The following PALM2AKAP2 variants were observed in gnomAD, a reference collection of about 807,000 sequenced individuals.
PALM2AKAP2 encodes the protein PALM2-AKAP2 fusion protein.
A neutral mutation model predicts 71.5 loss-of-function variants in PALM2AKAP2; 37 were observed. The ratio of observed to expected loss-of-function variants is 0.52; its 90% CI spans 0.40 to 0.68. The LOEUF (loss-of-function observed/expected upper bound fraction) is 0.68. PALM2AKAP2 is among the 30% of genes least tolerant of loss of function. The pLI, the probability that PALM2AKAP2 is intolerant of heterozygous loss-of-function variation, is 0.00. For missense variants in PALM2AKAP2, 1,224 were observed against 1,191.8 expected, an observed-to-expected ratio of 1.03 and a Z score of -0.40; for synonymous variants, 468 against 478.8, an observed-to-expected ratio of 0.98 and a Z score of 0.29.
intron 2 of PALM2AKAP2, among the ~76,000 whole-genome samples, chr9:110,142,637 G>A (rs1836062363): frequency 6.6e-6 from 1 of 152,196 alleles, no homozygotes; most frequent in Admixed American, 6.5e-5. Flanking sequence ...GGAAATTACT[G>A]TCTAAGCTGA....
chr9:109,737,299 C>T (rs940289591), intron 1 of PALM2AKAP2, among the ~76,000 whole-genome samples: 6 of 152,322 alleles, frequency 3.9e-5, no homozygotes, highest in African/African-American at 7.2e-5. Flanking sequence ...GTGGTCATCA[C>T]GATGGGAAAG....
At chr9:110,002,371 A>G (rs1832697498) in intron 6 of PALM2AKAP2, among the ~76,000 whole-genome samples, 1 of 151,810 alleles carries the variant, frequency 6.6e-6, no homozygotes, top group African/African-American at 2.4e-5. Context: ...AGCCCACTTG[A>G]TCATGGTGGA....
At chr9:110,137,674 G>C in exon 2 of PALM2AKAP2, 2 of 1,613,908 alleles carry the variant, frequency 1.2e-6, no homozygotes, top group Non-Finnish European at 1.7e-6. Context: ...ACGAATTGTC[G>C]GTGAGGTCTC....
At chr9:109,677,289 G>A (rs1432370140) in intron 1 of PALM2AKAP2, among the ~76,000 whole-genome samples, 1 of 152,136 alleles carries the variant, frequency 6.6e-6, no homozygotes, top group Admixed American at 6.5e-5. Flanking sequence ...AGAGATTTTT[G>A]GATCCTTGAG....
intron 1 of PALM2AKAP2, among the ~76,000 whole-genome samples, chr9:110,053,678 A>G (rs1161077473): frequency 6.6e-6 from 1 of 152,162 alleles, no homozygotes; most frequent in Non-Finnish European, 1.5e-5. Context: ...TGGAGGCAGA[A>G]TGCTGCTGCT....
At chr9:109,881,678 C>T (rs1356555164) in intron 3 of PALM2AKAP2, among the ~76,000 whole-genome samples, 2 of 152,008 alleles carry the variant, frequency 1.3e-5, no homozygotes, top group Admixed American at 6.6e-5. Flanking sequence ...CACACAAGAG[C>T]AATAATGTAG....
chr9:109,851,483 A>G (rs1313814353), intron 1 of PALM2AKAP2, among the ~76,000 whole-genome samples: 1 of 152,208 alleles, frequency 6.6e-6, no homozygotes, highest in Non-Finnish European at 1.5e-5. Flanking sequence ...TAATAGCCAG[A>G]GGTCTTGAAT....
At chr9:110,088,262 A>G (rs1027657524) in intron 1 of PALM2AKAP2, among the ~76,000 whole-genome samples, 4 of 152,152 alleles carry the variant, frequency 2.6e-5, no homozygotes, top group African/African-American at 9.7e-5. Context: ...GTAGTGGCTC[A>G]TGATTAGTCT....
chr9:110,050,576 T>A (rs908615522), intron 1 of PALM2AKAP2, among the ~76,000 whole-genome samples: 3 of 152,186 alleles, frequency 2.0e-5, no homozygotes, highest in Non-Finnish European at 2.9e-5. Flanking sequence ...GCCGGTTGTC[T>A]CCTCCCCAGT....
At position 109,692,072 on chromosome 9, in the gene PALM2AKAP2, T is replaced by A. The variant is rs186211575; in HGVS notation, c.5+51206T>A. ...TTATCTCTAAGTATTTAAATTTTTT[T>A]AAATTTTTAAAAAATTTTTAAATTG... On this transcript the variant is annotated intron_variant, in intron 1 of 6. Coordinates refer to the PALM2AKAP2 transcript ENST00000374531. 2.4e-3 allele frequency among the ~76,000 whole-genome samples: 365 copies of A among 149,790 alleles called. 3 individuals are homozygous for A. The highest frequency in any genetic ancestry group is 3.6e-3 in the Non-Finnish European group (244 of 67,384).
At chr9:109,761,907 A>C (rs2118737137) in intron 1 of PALM2AKAP2, among the ~76,000 whole-genome samples, 1 of 152,298 alleles carries the variant, frequency 6.6e-6, no homozygotes, top group Admixed American at 6.5e-5. Context: ...GATAGAAGAC[A>C]TTTATGCTGT....
At chr9:110,018,002 A>T (rs1283733538) in intron 7 of PALM2AKAP2, among the ~76,000 whole-genome samples, 1 of 152,158 alleles carries the variant, frequency 6.6e-6, no homozygotes, top group East Asian at 1.9e-4. Context: ...CTGGGATTAC[A>T]GGCGTGAGTC....
intron 3 of PALM2AKAP2, among the ~76,000 whole-genome samples, chr9:109,914,356 G>A (rs1830638736): frequency 6.6e-6 from 1 of 152,240 alleles, no homozygotes; most frequent in South Asian, 2.1e-4. Flanking sequence ...TTTGGCCAGA[G>A]CATGTGGCTA....
intron 1 of PALM2AKAP2, among the ~76,000 whole-genome samples, chr9:109,824,922 T>C (rs1272854511): frequency 6.6e-6 from 1 of 152,248 alleles, no homozygotes; most frequent in East Asian, 1.9e-4. Flanking sequence ...GGTTTTGATA[T>C]TCCTCTAAGA....
intron 1 of PALM2AKAP2, among the ~76,000 whole-genome samples, chr9:109,739,398 T>TA (rs1397633271): frequency 1.3e-5 from 2 of 151,952 alleles, no homozygotes; most frequent in Admixed American, 1.3e-4. Context: ...TATGCCTATT[T>TA]AAAAAAAATA....
intron 1 of PALM2AKAP2, among the ~76,000 whole-genome samples, chr9:109,701,159 T>A (rs1828049027): frequency 6.6e-6 from 1 of 152,134 alleles, no homozygotes; most frequent in South Asian, 2.1e-4. Context: ...AAATAAATCC[T>A]TGGGCATGCC....
At chr9:109,734,765 C>T (rs1280867584) in intron 1 of PALM2AKAP2, among the ~76,000 whole-genome samples, 1 of 152,162 alleles carries the variant, frequency 6.6e-6, no homozygotes. Flanking sequence ...CCCACAATTT[C>T]CAATGTGTTA....
At chr9:109,849,143 A>G (rs1828940701) in intron 1 of PALM2AKAP2, among the ~76,000 whole-genome samples, 2 of 152,234 alleles carry the variant, frequency 1.3e-5, no homozygotes, top group South Asian at 4.2e-4. Flanking sequence ...GAGACTTCAC[A>G]AAGTATGTTA....
At chr9:110,135,162 A>ATATATATAT (rs1374083351) in intron 1 of PALM2AKAP2, among the ~76,000 whole-genome samples, 1 of 48,490 alleles carries the variant, frequency 2.1e-5, no homozygotes, top group African/African-American at 8.3e-5. Flanking sequence ...CAAAAAAAAA[A>ATATATATAT]AAATATATAA....
Sources: gnomAD v4.1 joint callset for allele counts (sites outside exome capture counted in the v4.1 genomes callset) on GRCh38, gnomAD v4.1.1 for gene constraint, MANE v1.5 for transcripts, NCBI Gene and HGNC (gene_info 2026-07-23, HGNC 2026-07-21) for gene names.